JMY: variants seen among roughly 807,000 people sequenced by gnomAD.
JMY encodes junction mediating and regulatory protein, p53 cofactor.
JMY carries 46 observed loss-of-function variants against 103.3 expected under a neutral mutation model. The ratio of observed to expected loss-of-function variants is 0.45; its 90% CI spans 0.35 to 0.57. JMY has a LOEUF of 0.57. JMY is among the 20% of genes least tolerant of loss of function. JMY has a pLI of 0.00. For synonymous variants in JMY, 526 were observed against 489.3 expected (o/e 1.07, Z -0.99); for missense variants, 1,238 against 1,255.2 (o/e 0.99, Z 0.21).
At position 79,296,420 on chromosome 5, in the gene JMY, T is replaced by G. The variant is rs76806748; in HGVS notation, c.1528-3733T>G. ...TCTCATGTTCATTCTTTCTACATAATAGGGCTAGTTTTGGTTGAAAACTTG... is the reference window on the plus strand; with the variant it reads ...TCTCATGTTCATTCTTTCTACATAAGAGGGCTAGTTTTGGTTGAAAACTTG... On this transcript the variant is annotated intron_variant, in intron 4 of 10. Coordinates refer to ENST00000396137, the MANE Select transcript of JMY (RefSeq NM_152405.5). 1.1e-3 allele frequency among the ~76,000 whole-genome samples: 161 copies of G among 152,358 alleles called. 1 individual carries two copies. Among genetic ancestry groups the G allele is most frequent in the Non-Finnish European group, 1.9e-3 (126 of 68,034 alleles).
At chr5:79,244,829 ATTTG>A (rs1469003871) in intron 1 of JMY, among the ~76,000 whole-genome samples, 1 of 136,016 alleles carries the variant, frequency 7.4e-6, no homozygotes, top group Non-Finnish European at 1.6e-5. Context: ...TCTTGTAACT[ATTTG>A]TTTTTTTTTT....
At chr5:79,320,692 A>G (rs1005366643) in intron 10 of JMY, among the ~76,000 whole-genome samples, 1 of 152,214 alleles carries the variant, frequency 6.6e-6, no homozygotes, top group Non-Finnish European at 1.5e-5. Context: ...AAAATGTCCA[A>G]TAGTCACATC....
chr5:79,315,766 A>G (rs1747198569), intron 9 of JMY, among the ~76,000 whole-genome samples: 1 of 152,182 alleles, frequency 6.6e-6, no homozygotes, highest in South Asian at 2.1e-4. Flanking sequence ...CATGTAGGAA[A>G]TGATAGGAAT....
chr5:79,318,670 T>A (rs370152685), intron 10 of JMY, among the ~76,000 whole-genome samples: 3 of 152,108 alleles, frequency 2.0e-5, no homozygotes, highest in African/African-American at 7.2e-5. Flanking sequence ...TTGTATGACT[T>A]ATGTTTTTGG....
chr5:79,285,628 T>C lies in JMY; in HGVS notation c.1207-4493T>C, dbSNP rs1221683315. Among the ~76,000 whole-genome samples the C allele has an allele frequency of 3.3e-5, 5 of 152,230 alleles. No homozygotes were observed. The East Asian group carries it at 9.6e-4, about 29-fold the overall frequency. ...TAGCTATAAGAATCTCTCAACAATA[T>C]TTGCTCTGAATATAAAAACCCATGA... is the stretch of plus-strand genomic sequence containing the variant. On this transcript the variant is annotated intron_variant, in intron 2 of 10. Coordinates refer to ENST00000396137, the MANE Select transcript of JMY (RefSeq NM_152405.5).
In JMY at chr5:79,314,980, A is replaced by G. The variant is rs140103083; in HGVS notation, c.2659+129A>G. ...TTATTTGATAGTAAACAGGTTTTCA[A>G]AGTCACACTAGAGGAGAATTCTTAG... On this transcript the variant is annotated intron_variant, in intron 9 of 10. Coordinates refer to ENST00000396137, the MANE Select transcript of JMY (RefSeq NM_152405.5). 1.1e-3 allele frequency: 868 copies of G among 811,972 alleles called. 7 individuals are homozygous for G. In the African/African-American group the frequency reaches 0.014, roughly 13 times the overall value. 50.3% of individuals were successfully genotyped at this position (811,972 alleles called of 1,614,324 possible). A position where few individuals can be genotyped will look rare whatever the true frequency, so the allele number is the denominator to read the frequency against.
At chr5:79,307,896 G>A (rs922103791) in intron 7 of JMY, among the ~76,000 whole-genome samples, 10 of 151,958 alleles carry the variant, frequency 6.6e-5, no homozygotes, top group African/African-American at 2.4e-4. Flanking sequence ...GCATCACCAC[G>A]CCCAGCTAAT....
At chr5:79,317,063 A>AT (rs35881465) in intron 10 of JMY, among the ~76,000 whole-genome samples, 79,303 of 149,762 alleles carry the variant, frequency 0.53, 21,426 homozygotes, top group Non-Finnish European at 0.61. Flanking sequence ...CAATACGTCA[A>AT]TTTTTTTTTT....
chr5:79,241,785 T>C (rs1744750360), intron 1 of JMY, among the ~76,000 whole-genome samples: 1 of 152,220 alleles, frequency 6.6e-6, no homozygotes, highest in Non-Finnish European at 1.5e-5. Context: ...ATTTGGACTT[T>C]TACAAGAGTT....
intron 2 of JMY, 84 bp downstream of exon 2, chr5:79,278,167 CT>C: frequency 3.0e-5 from 23 of 759,972 alleles, no homozygotes; most frequent in South Asian, 7.0e-5. Context: ...ACAAGAGGAA[CT>C]TTAAAAAAAA....
In JMY at chr5:79,321,847, AT is replaced by A. The variant is rs1026561644; in HGVS notation, c.*248del. On this transcript the variant is annotated 3_prime_UTR_variant, in exon 11 of 11. Transcript: ENST00000396137. ...GCAATGAAGAAAAGGCCTTCTGGAGATTTCTGTTTTTTAAGCACATTCTCCT... is the reference window on the plus strand; with the variant it reads ...GCAATGAAGAAAAGGCCTTCTGGAGATTCTGTTTTTTAAGCACATTCTCCT... 1 of 152,038 alleles carries A rather than the reference AT, an allele frequency of 6.6e-6. No individual in the cohort carries two copies. The highest frequency in any genetic ancestry group is 6.6e-5 in the Admixed American group (1 of 15,266). The allele number at this position is 152,038 out of a possible 1,614,324, so 9.4% of individuals were successfully genotyped here.
intron 4 of JMY, among the ~76,000 whole-genome samples, chr5:79,293,137 CT>C (rs1413645480): frequency 7.0e-6 from 1 of 142,310 alleles, no homozygotes; most frequent in East Asian, 2.2e-4. Context: ...AAACAAAGTT[CT>C]TCTTGATGTG....
At chr5:79,287,289 T>G (rs557230575) in intron 2 of JMY, among the ~76,000 whole-genome samples, 1 of 152,310 alleles carries the variant, frequency 6.6e-6, no homozygotes, top group East Asian at 1.9e-4. Context: ...ACTCTTCTAT[T>G]GGCAAAGGCT....
chr5:79,278,009 G>C lies in JMY; in HGVS notation c.1132G>C (p.Glu378Gln). The change falls in exon 2 of 11, where the codon GAA (glutamate) becomes CAA (glutamine). Residue 378 changes from glutamate (E) to glutamine (Q), a missense_variant. Transcript: ENST00000396137. ...AYSSLAEATT[E>Q]LYQYLLQPFR... ...CAGCAGCCTTGCAGAAGCTACAACC[G>C]AACTCTATCAGTATTTACTACAGCC... 6.2e-7 allele frequency: 1 copy of C among 1,613,966 alleles called. No homozygotes were observed. Among genetic ancestry groups the C allele is most frequent in the Non-Finnish European group, 8.5e-7 (1 of 1,179,944 alleles).
intron 1 of JMY, among the ~76,000 whole-genome samples, chr5:79,262,939 T>C (rs1413617562): frequency 6.6e-6 from 1 of 152,244 alleles, no homozygotes; most frequent in Non-Finnish European, 1.5e-5. Flanking sequence ...CTTGATGTTT[T>C]TGTGTTGGCA....
At chr5:79,272,851 G>A (rs991672553) in intron 1 of JMY, among the ~76,000 whole-genome samples, 6 of 152,132 alleles carry the variant, frequency 3.9e-5, no homozygotes, top group East Asian at 1.9e-4. Flanking sequence ...GGCCAGGCTG[G>A]TCTCAAACTC....
In JMY at chr5:79,323,738, G is replaced by A. The variant is rs1014707982; in HGVS notation, c.*2136G>A. ...GGGAATTTGCTACTCTTTTACTTTT[G>A]GGATTTCATTATAAAATAGGCTCAT... is the stretch of plus-strand genomic sequence containing the variant. On this transcript the variant is annotated 3_prime_UTR_variant, in exon 11 of 11. Coordinates refer to ENST00000396137, the MANE Select transcript of JMY (RefSeq NM_152405.5). The A allele has an allele frequency of 2.7e-4, 41 of 152,056 alleles. No homozygotes were observed. Among genetic ancestry groups the A allele is most frequent in the African/African-American group, 9.7e-4 (40 of 41,410 alleles). 9.4% of individuals were successfully genotyped at this position (152,056 alleles called of 1,614,324 possible). A position where few individuals can be genotyped will look rare whatever the true frequency, so the allele number is the denominator to read the frequency against.
chr5:79,238,267 C>G (rs1744587051), intron 1 of JMY, among the ~76,000 whole-genome samples: 1 of 151,780 alleles, frequency 6.6e-6, no homozygotes, highest in South Asian at 2.1e-4. Flanking sequence ...TTTTGGACTA[C>G]CTCAGGTCTT....
chr5:79,325,626 A>G lies in JMY; in HGVS notation c.*4024A>G, dbSNP rs189595539. ...GAGAAAGTGGAAGCACCTTACTGTT[A>G]GAGCATGTTGCATCTATTTAGTGCT... On this transcript the variant is annotated 3_prime_UTR_variant, in exon 11 of 11. Transcript: ENST00000396137. The G allele has an allele frequency of 2.0e-5, 3 of 152,310 alleles. No individual in the cohort carries two copies. The highest frequency in any genetic ancestry group is 3.9e-4 in the East Asian group (2 of 5,186). 9.4% of individuals were successfully genotyped at this position (152,310 alleles called of 1,614,324 possible).
Sources: gnomAD v4.1 joint callset for allele counts (sites outside exome capture counted in the v4.1 genomes callset) on GRCh38, gnomAD v4.1.1 for gene constraint, MANE v1.5 for transcripts, NCBI Gene and HGNC (gene_info 2026-07-23, HGNC 2026-07-21) for gene names.